PTER: variants seen among roughly 807,000 people sequenced by gnomAD.
PTER encodes phosphotriesterase related.
In PTER, 38 loss-of-function variants were observed where a neutral mutation model predicts 29.6. The ratio of observed to expected loss-of-function variants is 1.28; its 90% CI spans 0.99 to 1.68. The LOEUF is 1.68. Ranked by LOEUF, PTER falls within the 40% of genes most tolerant of loss-of-function variation. PTER has a pLI of 0.00. For missense variants in PTER, 482 were observed against 427.8 expected (o/e 1.13, Z -1.12); for synonymous variants, 172 against 154.5 (o/e 1.11, Z -0.84).
At chr10:16,503,184 G>A (rs1836430542) in intron 3 of PTER, among the ~76,000 whole-genome samples, 1 of 145,624 alleles carries the variant, frequency 6.9e-6, no homozygotes, top group Admixed American at 7.2e-5. Context: ...TCCTCTCAAA[G>A]TGCTAGGATT....
intron 1 of PTER, among the ~76,000 whole-genome samples, chr10:16,456,819 T>C (rs968893432): frequency 1.7e-5 from 2 of 121,088 alleles, no homozygotes; most frequent in Non-Finnish European, 3.4e-5. Context: ...TCCTACATGT[T>C]GTGGGAGGGA....
chr10:16,489,549 G>GT (rs34292141), intron 3 of PTER, among the ~76,000 whole-genome samples: 84 of 146,204 alleles, frequency 5.7e-4, no homozygotes, highest in South Asian at 8.6e-4. Context: ...CTTACCCCTG[G>GT]TTTTTTTTTT....
At chr10:16,455,433 A>G (rs75440269) in intron 1 of PTER, among the ~76,000 whole-genome samples, 7,104 of 151,992 alleles carry the variant, frequency 0.047, 271 homozygotes, top group East Asian at 0.18. Flanking sequence ...ACTCATGCCT[A>G]TAATCCTAAC....
chr10:16,508,718 C>T lies in PTER; in HGVS notation c.840-2328C>T, dbSNP rs986529442. Among the ~76,000 whole-genome samples, 4 of 152,026 alleles carry T rather than the reference C, an allele frequency of 2.6e-5. No individual in the cohort carries two copies. The South Asian group carries it at 8.3e-4, about 32-fold the overall frequency. ...TATATAAAATACCTGTGTGCTATTC[C>T]ATACGTACGTGTATGTGTGTGTGCT... is the stretch of plus-strand genomic sequence containing the variant. On this transcript the variant is annotated intron_variant, in intron 4 of 4. Coordinates refer to ENST00000535784, the MANE Select transcript of PTER (RefSeq NM_001261836.2).
intron 1 of PTER, among the ~76,000 whole-genome samples, chr10:16,456,491 G>A (rs1223455244): frequency 6.6e-6 from 1 of 152,160 alleles, no homozygotes; most frequent in Non-Finnish European, 1.5e-5. Flanking sequence ...ACTATGAAAA[G>A]CAAACAAGGA....
intron 1 of PTER, among the ~76,000 whole-genome samples, chr10:16,442,572 C>T (rs1833884999): frequency 6.6e-6 from 1 of 152,148 alleles, no homozygotes; most frequent in Non-Finnish European, 1.5e-5. Flanking sequence ...GAGTTCAAGA[C>T]CAGCCTGGGC....
At chr10:16,438,289 C>G (rs1833724510) in intron 1 of PTER, among the ~76,000 whole-genome samples, 1 of 151,596 alleles carries the variant, frequency 6.6e-6, no homozygotes, top group Admixed American at 6.6e-5. Flanking sequence ...CAGGCGTAAG[C>G]CACCGCGCCC....
At chr10:16,470,502 T>G (rs998661591) in intron 1 of PTER, among the ~76,000 whole-genome samples, 4 of 152,240 alleles carry the variant, frequency 2.6e-5, no homozygotes, top group African/African-American at 4.8e-5. Flanking sequence ...GAGCGGTGGC[T>G]CACGCCTGTA....
Position 16,474,750 on chromosome 10 carries a change from G to C in PTER, c.-48-9587G>C, listed in dbSNP as rs151263141. On this transcript the variant is annotated intron_variant, in intron 1 of 4. Transcript: ENST00000535784. ...AAAATACAAAAAATTAGCTGGGCAT[G>C]GTGGCGTGCACCTGTAATCCCAGCT... Among the ~76,000 whole-genome samples, 1,191 of 152,198 alleles carry C rather than the reference G, an allele frequency of 7.8e-3. 16 individuals carry two copies. Among genetic ancestry groups the C allele is most frequent in the African/African-American group, 0.027 (1,132 of 41,498 alleles).
chr10:16,454,368 A>C (rs1236664102), intron 1 of PTER, among the ~76,000 whole-genome samples: 1 of 152,150 alleles, frequency 6.6e-6, no homozygotes, highest in Non-Finnish European at 1.5e-5. Flanking sequence ...TGAGGCTAGG[A>C]GTTCAAGACC....
At chr10:16,498,945 CA>C (rs1410909613) in intron 3 of PTER, among the ~76,000 whole-genome samples, 1 of 152,182 alleles carries the variant, frequency 6.6e-6, no homozygotes, top group African/African-American at 2.4e-5. Context: ...TCCTAGATGT[CA>C]CTACGATGGT....
chr10:16,478,192 A>G (rs1835346716), intron 1 of PTER, among the ~76,000 whole-genome samples: 1 of 152,240 alleles, frequency 6.6e-6, no homozygotes, highest in African/African-American at 2.4e-5. Flanking sequence ...TAAAATTTAA[A>G]GGTCAGTTAT....
At position 16,456,635 on chromosome 10, in the gene PTER, T is replaced by C. The variant is rs773142424; in HGVS notation, c.-49+19588T>C. Among the ~76,000 whole-genome samples the C allele has an allele frequency of 1.6e-4, 24 of 152,158 alleles. 1 individual carries two copies. Among genetic ancestry groups the C allele is most frequent in the Admixed American group, 6.5e-4 (10 of 15,276 alleles). On this transcript the variant is annotated intron_variant, in intron 1 of 4. Coordinates refer to ENST00000535784, the MANE Select transcript of PTER (RefSeq NM_001261836.2). ...AAGAACAAGGTCCCACCTTCCATTC[T>C]CTCCACTGAAAGCAGTAGAGGTACC...
chr10:16,443,798 G>C (rs1004015951), intron 1 of PTER, among the ~76,000 whole-genome samples: 1 of 152,156 alleles, frequency 6.6e-6, no homozygotes, highest in African/African-American at 2.4e-5. Flanking sequence ...AACTTACTAT[G>C]ATGAGTCCAT....
chr10:16,493,647 C>G (rs1323466141), intron 3 of PTER, among the ~76,000 whole-genome samples: 1 of 151,028 alleles, frequency 6.6e-6, no homozygotes. Flanking sequence ...TGTGTATTTT[C>G]TCTCAACATG....
At chr10:16,452,536 A>G (rs1187657234) in intron 1 of PTER, among the ~76,000 whole-genome samples, 2 of 151,964 alleles carry the variant, frequency 1.3e-5, no homozygotes, top group African/African-American at 2.4e-5. Flanking sequence ...TCCTGACCTC[A>G]AGCACTCCAT....
At chr10:16,460,035 G>A (rs1207366565) in intron 1 of PTER, among the ~76,000 whole-genome samples, 3 of 152,166 alleles carry the variant, frequency 2.0e-5, no homozygotes, top group African/African-American at 7.2e-5. Context: ...GGCAGGGGCT[G>A]CTGCACCCAG....
chr10:16,509,565 A>G (rs979029274), intron 4 of PTER, among the ~76,000 whole-genome samples: 1 of 152,218 alleles, frequency 6.6e-6, no homozygotes, highest in African/African-American at 2.4e-5. Context: ...AAAACCTCCT[A>G]TACCGTGATA....
rs200689004 is a variant in PTER at position 16,444,566 on chromosome 10, AT to A, written c.-49+7528del. On this transcript the variant is annotated intron_variant, in intron 1 of 4. Coordinates refer to ENST00000535784, the MANE Select transcript of PTER (RefSeq NM_001261836.2). The stretch of plus-strand genomic sequence containing the variant: ...GGATGCACCTGGTTAATTTAAAAAC[AT>A]TTTTTTTTAGAGATGGGGTCTCACT... 4.6e-3 allele frequency among the ~76,000 whole-genome samples: 683 copies of A among 149,798 alleles called. 7 individuals are homozygous for A. The highest frequency in any genetic ancestry group is 0.016 in the African/African-American group (639 of 40,768).
Sources: allele counts gnomAD v4.1 joint callset (sites outside exome capture counted in the v4.1 genomes callset), GRCh38; gene constraint gnomAD v4.1.1; transcripts MANE v1.5; gene names NCBI Gene and HGNC (gene_info 2026-07-23, HGNC 2026-07-21).